Variants in CSMD2 observed in about 807,000 individuals in gnomAD.
CSMD2 encodes CUB and sushi domain-containing protein 2.
In CSMD2, 130 loss-of-function variants were observed where a neutral mutation model predicts 398.5. The observed-to-expected ratio is 0.33, with a 90% CI of 0.28 to 0.38. The LOEUF (loss-of-function observed/expected upper bound fraction) is 0.38, where lower values mean the gene tolerates loss of function less well. CSMD2 is among the 10% of genes least tolerant of loss of function. The pLI, the probability that CSMD2 is intolerant of heterozygous loss-of-function variation, is 1.00. For missense variants in CSMD2, 3,829 were observed against 4,764.9 expected (o/e 0.80, Z 5.78); for synonymous variants, 1,828 against 1,908.5 (o/e 0.96, Z 1.10).
At chr1:33,807,833 T>G (rs1055435760) in intron 10 of CSMD2, among the ~76,000 whole-genome samples, 2 of 152,120 alleles carry the variant, frequency 1.3e-5, no homozygotes, top group African/African-American at 4.8e-5. Flanking sequence ...ATTCTTTAGT[T>G]AAAAGACAAA....
intron 55 of CSMD2, among the ~76,000 whole-genome samples, chr1:33,557,391 G>C (rs1658097916): frequency 6.6e-6 from 1 of 152,136 alleles, no homozygotes; most frequent in Non-Finnish European, 1.5e-5. Context: ...GCAAGGAAAA[G>C]GTAAAGTTGG....
At chr1:34,129,637 G>A (rs1221047260) in intron 1 of CSMD2, among the ~76,000 whole-genome samples, 2 of 152,206 alleles carry the variant, frequency 1.3e-5, no homozygotes, top group Non-Finnish European at 2.9e-5. Flanking sequence ...AGGCGATAGA[G>A]CAAGACTCTG....
At chr1:34,131,899 G>A (rs891838126) in intron 1 of CSMD2, among the ~76,000 whole-genome samples, 7 of 152,098 alleles carry the variant, frequency 4.6e-5, no homozygotes, top group Non-Finnish European at 1.0e-4. Context: ...ATACTTCTGA[G>A]CGCTCACTCG....
intron 25 of CSMD2, among the ~76,000 whole-genome samples, chr1:33,683,932 T>C (rs1190103456): frequency 1.3e-5 from 2 of 152,242 alleles, no homozygotes; most frequent in African/African-American, 4.8e-5. Flanking sequence ...CTTGCTATAA[T>C]TGCTCAGAAA....
chr1:33,821,586 T>C (rs1415975419), intron 7 of CSMD2, among the ~76,000 whole-genome samples: 1 of 152,110 alleles, frequency 6.6e-6, no homozygotes, highest in African/African-American at 2.4e-5. Flanking sequence ...CAATGTCCCA[T>C]AAGGTGAACA....
chr1:34,164,826 A>T lies in CSMD2; in HGVS notation c.187+85T>A. 8 of 1,042,118 alleles carry T rather than the reference A, an allele frequency of 7.7e-6. No individual in the cohort carries two copies. Among genetic ancestry groups the T allele is most frequent in the Non-Finnish European group, 8.2e-6 (7 of 852,492 alleles). The allele number at this position is 1,042,118 out of a possible 1,614,324, so 64.6% of individuals were successfully genotyped here. A position where few individuals can be genotyped will look rare whatever the true frequency, so the allele number is the denominator to read the frequency against. On this transcript the variant is annotated intron_variant, in intron 1 of 70. Transcript: ENST00000373381. The surrounding 1 kb of genome is among the most constrained non-coding windows in gnomAD (Gnocchi z 6.2). ...GGCAGGGATAGAGGCGGGGGGAGGGACTGGGACCGGGTCGAGGATGGGTGG... is the reference window on the plus strand; with the variant it reads ...GGCAGGGATAGAGGCGGGGGGAGGGTCTGGGACCGGGTCGAGGATGGGTGG...
At chr1:33,576,046 T>A (rs1450325213) in intron 49 of CSMD2, among the ~76,000 whole-genome samples, 1 of 152,198 alleles carries the variant, frequency 6.6e-6, no homozygotes, top group East Asian at 1.9e-4. Context: ...CATGCTGCTA[T>A]ACATGAGGAC....
chr1:33,864,925 A>C, intron 5 of CSMD2: 1 of 103,334 alleles, frequency 9.7e-6, no homozygotes, highest in East Asian at 1.8e-4. Flanking sequence ...AAGAAGGGGA[A>C]GGGAGGAGAG....
intron 51 of CSMD2, 57 bp from the exon 52 acceptor site, chr1:33,569,604 T>C: frequency 1.3e-6 from 2 of 1,549,552 alleles, no homozygotes; most frequent in Non-Finnish European, 1.8e-6. Flanking sequence ...ACATGGCTGC[T>C]TCTGCTTAGC....
intron 28 of CSMD2, among the ~76,000 whole-genome samples, chr1:33,651,086 T>G (rs1429174229): frequency 6.6e-6 from 1 of 152,130 alleles, no homozygotes; most frequent in African/African-American, 2.4e-5. Flanking sequence ...ATTTCAGCAT[T>G]TTTGAGTGAC....
Position 33,698,387 on chromosome 1 carries a change from G to A in CSMD2, c.3925+366C>T, listed in dbSNP as rs111367785. 6.2e-3 allele frequency among the ~76,000 whole-genome samples: 951 copies of A among 152,234 alleles called. 20 individuals are homozygous for A. The highest frequency in any genetic ancestry group is 0.022 in the African/African-American group (897 of 41,536). On this transcript the variant is annotated intron_variant, in intron 24 of 70. Transcript: ENST00000373381. ...GTGGGAGACTCATTTGAGTCTTGGC[G>A]TTACGATAAGCCCTGGAACTCAGGC...
At chr1:33,914,385 AGTGTGTGTGT>A (rs72433922) in intron 5 of CSMD2, among the ~76,000 whole-genome samples, 1 of 139,726 alleles carries the variant, frequency 7.2e-6, no homozygotes, top group East Asian at 2.0e-4. Flanking sequence ...ACGATTTGGC[AGTGTGTGTGT>A]GTGTGTGTGT....
chr1:33,514,618 G>C lies in CSMD2; in HGVS notation c.*2006C>G, dbSNP rs927768762. 1 of 151,456 alleles carries C rather than the reference G, an allele frequency of 6.6e-6. No homozygotes were observed. The highest frequency in any genetic ancestry group is 2.4e-5 in the African/African-American group (1 of 41,174). 9.4% of individuals were successfully genotyped at this position (151,456 alleles called of 1,614,324 possible). On this transcript the variant is annotated 3_prime_UTR_variant, in exon 71 of 71. Coordinates refer to ENST00000373381, the MANE Select transcript of CSMD2 (RefSeq NM_001281956.2). Reference sequence around the variant, plus strand: ...GCATCCGCTGGGTGGTCTGAGAGGGGCATAAGAAGGGGGAAGGGAGCAGTC... The same window carrying C: ...GCATCCGCTGGGTGGTCTGAGAGGGCCATAAGAAGGGGGAAGGGAGCAGTC...
At chr1:34,162,490 G>A (rs1641435951) in intron 1 of CSMD2, among the ~76,000 whole-genome samples, 1 of 152,140 alleles carries the variant, frequency 6.6e-6, no homozygotes, top group Non-Finnish European at 1.5e-5. Context: ...CCGATCTTCT[G>A]TCACCAAGTC....
At chr1:34,018,601 C>T (rs780072351) in intron 3 of CSMD2, among the ~76,000 whole-genome samples, 14 of 152,208 alleles carry the variant, frequency 9.2e-5, no homozygotes, top group Non-Finnish European at 1.9e-4. Flanking sequence ...GGATAAAGTG[C>T]CATTTCATTG....
chr1:34,041,254 G>A (rs895388951), intron 2 of CSMD2, among the ~76,000 whole-genome samples: 1 of 152,196 alleles, frequency 6.6e-6, no homozygotes, highest in Non-Finnish European at 1.5e-5. Context: ...AATTTGGCTC[G>A]GATACAACTG....
intron 10 of CSMD2, among the ~76,000 whole-genome samples, 173 bp downstream of exon 10, chr1:33,810,570 T>G (rs1210191455): frequency 6.6e-6 from 1 of 151,504 alleles, no homozygotes; most frequent in Non-Finnish European, 1.5e-5. Context: ...TATATTTTGC[T>G]TATATTTTAT....
At chr1:33,774,554 C>A (rs1356389518) in intron 12 of CSMD2, among the ~76,000 whole-genome samples, 3 of 152,180 alleles carry the variant, frequency 2.0e-5, no homozygotes. Flanking sequence ...AGGGCTGTCA[C>A]TGCAGGCATT....
intron 2 of CSMD2, among the ~76,000 whole-genome samples, chr1:34,062,788 A>C (rs1001387684): frequency 4.6e-5 from 7 of 152,238 alleles, no homozygotes; most frequent in African/African-American, 1.4e-4. Context: ...TCCCTGGAGA[A>C]GCAAAGCAAC....
Sources: gnomAD v4.1 joint callset for allele counts (sites outside exome capture counted in the v4.1 genomes callset) on GRCh38, gnomAD v4.1.1 for gene constraint, Gnocchi (gnomAD v3.1) non-coding constraint, MANE v1.5 for transcripts, NCBI Gene and HGNC (gene_info 2026-07-23, HGNC 2026-07-21) for gene names.